FHIT: variants seen among roughly 807,000 people sequenced by gnomAD.
FHIT encodes the protein bis(5'-adenosyl)-triphosphatase.
In FHIT, 19 loss-of-function variants were observed where a neutral mutation model predicts 17.9. That is an observed-to-expected ratio of 1.06 (90% CI 0.74 to 1.56). The LOEUF is 1.56. FHIT is among the 40% of genes most tolerant of loss of function. FHIT has a pLI of 0.00. For synonymous variants in FHIT, 81 were observed against 69.7 expected, an observed-to-expected ratio of 1.16 and a Z score of -0.81; for missense variants, 248 against 189.2, an observed-to-expected ratio of 1.31 and a Z score of -1.82.
At chr3:60,033,569 T>C (rs1324112300) in intron 5 of FHIT, among the ~76,000 whole-genome samples, 1 of 151,860 alleles carries the variant, frequency 6.6e-6, no homozygotes, top group Non-Finnish European at 1.5e-5. Context: ...ATTAGGGAAT[T>C]TTCGTAGTCT....
At chr3:60,360,143 C>T (rs1195169781) in intron 5 of FHIT, among the ~76,000 whole-genome samples, 1 of 151,904 alleles carries the variant, frequency 6.6e-6, no homozygotes, top group Non-Finnish European at 1.5e-5. Context: ...TTATATTAAA[C>T]TCCATAATCT....
intron 5 of FHIT, among the ~76,000 whole-genome samples, chr3:60,144,695 G>A (rs1249155354): frequency 6.6e-6 from 1 of 151,992 alleles, no homozygotes; most frequent in African/African-American, 2.4e-5. Flanking sequence ...GATCCAATCA[G>A]GGTAGTTAGT....
At chr3:61,098,555 G>A (rs2035715974) in intron 2 of FHIT, among the ~76,000 whole-genome samples, 1 of 152,150 alleles carries the variant, frequency 6.6e-6, no homozygotes, top group African/African-American at 2.4e-5. Context: ...ATGGCCATTT[G>A]CATGATATTT....
intron 4 of FHIT, among the ~76,000 whole-genome samples, chr3:60,676,288 T>G (rs1374644393): frequency 6.6e-6 from 1 of 152,176 alleles, no homozygotes; most frequent in African/African-American, 2.4e-5. Flanking sequence ...TTTATTTTTG[T>G]TGTGTGTATT....
intron 3 of FHIT, among the ~76,000 whole-genome samples, chr3:60,934,357 A>C (rs1489506224): frequency 6.6e-6 from 1 of 152,232 alleles, no homozygotes; most frequent in African/African-American, 2.4e-5. Flanking sequence ...CAGAAATATA[A>C]AACCACTAAA....
At chr3:59,967,137 C>T (rs1007577194) in intron 7 of FHIT, among the ~76,000 whole-genome samples, 2 of 152,086 alleles carry the variant, frequency 1.3e-5, no homozygotes, top group African/African-American at 4.8e-5. Context: ...CATCTTGTCC[C>T]ACTGAAAGGC....
Position 61,037,140 on chromosome 3 carries a change from T to C in FHIT, c.-111+4907A>G, listed in dbSNP as rs984587733. On this transcript the variant is annotated intron_variant, in intron 3 of 9. Transcript: ENST00000492590. ...GTTAGCCAGGATGGTCTCGATCTCC[T>C]GACCTCGTGATCCATCCGTCTCGGT... Among the ~76,000 whole-genome samples the C allele has an allele frequency of 3.3e-5, 5 of 152,270 alleles. No individual in the cohort carries two copies. The East Asian group carries it at 9.7e-4, about 29-fold the overall frequency.
chr3:61,181,115 A>G (rs2038327134), intron 2 of FHIT, among the ~76,000 whole-genome samples: 2 of 152,168 alleles, frequency 1.3e-5, no homozygotes, highest in South Asian at 4.1e-4. Context: ...CAAATCACAT[A>G]TTGGGGACAT....
intron 5 of FHIT, among the ~76,000 whole-genome samples, chr3:60,137,205 G>T (rs1282610907): frequency 1.3e-5 from 2 of 152,132 alleles, no homozygotes; most frequent in East Asian, 3.9e-4. Context: ...GAGCGGAATG[G>T]TTTTCTTTTA....
intron 7 of FHIT, among the ~76,000 whole-genome samples, chr3:59,963,936 G>A (rs1559503047): frequency 1.3e-5 from 2 of 152,126 alleles, no homozygotes; most frequent in South Asian, 2.1e-4. Context: ...ATTTTTCATC[G>A]TAACAGTGTA....
intron 4 of FHIT, among the ~76,000 whole-genome samples, chr3:60,608,760 G>A (rs539622660): frequency 5.3e-5 from 8 of 152,004 alleles, no homozygotes; most frequent in Non-Finnish European, 7.4e-5. Context: ...TATGAACATC[G>A]TTATTTGGTT....
intron 7 of FHIT, among the ~76,000 whole-genome samples, chr3:59,979,842 G>A (rs949297981): frequency 1.3e-5 from 2 of 152,110 alleles, no homozygotes; most frequent in African/African-American, 4.8e-5. Flanking sequence ...CACATAAAAA[G>A]CAACAGAAAT....
intron 8 of FHIT, among the ~76,000 whole-genome samples, chr3:59,874,443 C>T (rs1487326629): frequency 6.6e-6 from 1 of 152,194 alleles, no homozygotes. Context: ...GAGCCCCAGT[C>T]AGCAGAGTTG....
chr3:60,622,239 A>G (rs1217773456), intron 4 of FHIT, among the ~76,000 whole-genome samples: 1 of 152,186 alleles, frequency 6.6e-6, no homozygotes, highest in African/African-American at 2.4e-5. Flanking sequence ...AATTGGCCGA[A>G]AAGATCATCT....
intron 2 of FHIT, among the ~76,000 whole-genome samples, chr3:61,177,176 CAAA>C (rs776705930): frequency 1.1e-5 from 1 of 92,384 alleles, no homozygotes; most frequent in Non-Finnish European, 2.1e-5. Context: ...GACTCCATCT[CAAA>C]AAAAAAAAAA....
chr3:60,419,123 C>G (rs1342032199), intron 5 of FHIT, among the ~76,000 whole-genome samples: 1 of 152,176 alleles, frequency 6.6e-6, no homozygotes, highest in Non-Finnish European at 1.5e-5. Context: ...GGCAAGTGTG[C>G]CTCAAATCAT....
At chr3:60,515,072 G>A (rs1028610290) in intron 5 of FHIT, among the ~76,000 whole-genome samples, 2 of 152,070 alleles carry the variant, frequency 1.3e-5, no homozygotes, top group Admixed American at 1.3e-4. Flanking sequence ...AAAACAGTGG[G>A]CACCGCAAAT....
chr3:60,198,148 C>T (rs1406825174), intron 5 of FHIT, among the ~76,000 whole-genome samples: 1 of 150,360 alleles, frequency 6.7e-6, no homozygotes, highest in Non-Finnish European at 1.5e-5. Flanking sequence ...GCAGGAATTT[C>T]ACTACAGAGT....
intron 5 of FHIT, among the ~76,000 whole-genome samples, chr3:60,299,066 CCCTG>C (rs1471243107): frequency 1.3e-5 from 2 of 152,236 alleles, no homozygotes. Flanking sequence ...ACTTCTCTGT[CCCTG>C]CCTATGTAAA....
Sources: gnomAD v4.1 joint callset for allele counts (sites outside exome capture counted in the v4.1 genomes callset) on GRCh38, gnomAD v4.1.1 for gene constraint, MANE v1.5 for transcripts, NCBI Gene and HGNC (gene_info 2026-07-23, HGNC 2026-07-21) for gene names.